Variants in IZUMO4 observed in about 807,000 individuals in gnomAD.
The protein encoded by IZUMO4 is IZUMO family member 4.
Under a neutral mutation model 37.1 loss-of-function variants are expected in IZUMO4, and 51 were observed. The observed-to-expected ratio is 1.38, with a 90% CI of 1.10 to 1.74. The LOEUF is 1.74. IZUMO4 is among the 40% of genes most tolerant of loss of function. IZUMO4 has a pLI of 0.00. For synonymous variants in IZUMO4, 162 were observed against 121.4 expected, an observed-to-expected ratio of 1.33 and a Z score of -2.20; for missense variants, 364 against 299.6, an observed-to-expected ratio of 1.21 and a Z score of -1.59.
At position 2,098,270 on chromosome 19, in the gene IZUMO4, A is replaced by C; in HGVS notation, c.474-17A>C. ...GTGGGTTCAGGGGCGCACCACTTCC[A>C]AGCCTGTGTCCCACAGGTCCTCGGC... is the stretch of plus-strand genomic sequence containing the variant. On this transcript the variant is annotated splice_polypyrimidine_tract_variant and intron_variant, in intron 5 of 9. Transcript: ENST00000395301. The C allele has an allele frequency of 6.2e-7, 1 of 1,613,628 alleles. No homozygotes were observed. The highest frequency in any genetic ancestry group is 8.5e-7 in the Non-Finnish European group (1 of 1,179,974).
chr19:2,099,388 C>A lies in IZUMO4; in HGVS notation c.*43C>A. On this transcript the variant is annotated 3_prime_UTR_variant, in exon 10 of 10. Transcript: ENST00000395301. ...CCAGGGCAACGTGGGGGCGGAGACT[C>A]AGCTGGACAGCCCCTGCCTGTCACT... The A allele has an allele frequency of 1.5e-6, 2 of 1,372,364 alleles. No homozygotes were observed. Among genetic ancestry groups the A allele is most frequent in the South Asian group, 1.2e-5 (1 of 81,588 alleles). The allele number at this position is 1,372,364 out of a possible 1,614,324, so 85.0% of individuals were successfully genotyped here. A position where few individuals can be genotyped will look rare whatever the true frequency, so the allele number is the denominator to read the frequency against.
Position 2,099,557 on chromosome 19 carries a change from G to T in IZUMO4, c.*212G>T. 1.7e-6 allele frequency: 1 copy of T among 582,106 alleles called. No homozygotes were observed. The allele number at this position is 582,106 out of a possible 1,614,324, so 36.1% of individuals were successfully genotyped here. A position where few individuals can be genotyped will look rare whatever the true frequency, so the allele number is the denominator to read the frequency against. Reference sequence around the variant, plus strand: ...CCTGGGCAGGTCCGCAGAGCTGCGGGATGTGATTAAAGTCCCTGATGTTTC... The same window carrying T: ...CCTGGGCAGGTCCGCAGAGCTGCGGTATGTGATTAAAGTCCCTGATGTTTC... On this transcript the variant is annotated 3_prime_UTR_variant, in exon 10 of 10. Transcript: ENST00000395301.
At chr19:2,097,576 T>C (rs758751763) in intron 3 of IZUMO4, 81 bp downstream of exon 3, 9 of 1,248,880 alleles carry the variant, frequency 7.2e-6, no homozygotes, top group East Asian at 7.0e-5. Flanking sequence ...GCTGGAGTGA[T>C]GTGAACAGGG....
rs775801663 is a variant in IZUMO4, at chr19:2,098,766, C to G, written c.537-21C>G. Reference sequence around the variant, plus strand: ...TAGGGGTGCCCCATGGAGGGGCTGACTGCCCCACATTGCCTTTCAGACAGG... The same window carrying G: ...TAGGGGTGCCCCATGGAGGGGCTGAGTGCCCCACATTGCCTTTCAGACAGG... On this transcript the variant is annotated intron_variant, in intron 7 of 9. Transcript: ENST00000395301. The G allele has an allele frequency of 4.4e-6, 7 of 1,605,004 alleles. No homozygotes were observed. In the South Asian group the frequency reaches 7.8e-5, roughly 18 times the overall value.
rs927209100 is a variant in IZUMO4 at position 2,097,094 on chromosome 19, G to A, written c.149G>A (p.Gly50Glu). The A allele has an allele frequency of 3.1e-6, 5 of 1,612,776 alleles. No individual in the cohort carries two copies. The highest frequency in any genetic ancestry group is 4.2e-6 in the Non-Finnish European group (5 of 1,179,936). Residue 50 changes from glycine (G) to glutamate (E), a missense_variant, in exon 1 of 10, where the codon GGG becomes GAG. Gly to Glu is a moderately conservative substitution (Grantham distance 98). Transcript: ENST00000395301. ...SWWVGDIPVS[G>E]ALLTDWSDDT... ...TGGGTGGGCGACATCCCCGTGTCAGGGGCGCTGCTCACCGACTGGAGCGAC... is the reference window on the plus strand; with the variant it reads ...TGGGTGGGCGACATCCCCGTGTCAGAGGCGCTGCTCACCGACTGGAGCGAC...
At chr19:2,098,886 G>A (rs916461681) in intron 8 of IZUMO4, 82 bp downstream of exon 8, 85 of 1,575,562 alleles carry the variant, frequency 5.4e-5, no homozygotes, top group South Asian at 8.9e-5. Context: ...TAGATCAGTG[G>A]GGGCACTGCA....
chr19:2,097,611 G>T (rs1360769424), intron 3 of IZUMO4, 116 bp downstream of exon 3: 2 of 955,646 alleles, frequency 2.1e-6, no homozygotes, highest in East Asian at 2.4e-5. Context: ...CAGCTGGGGA[G>T]GAGGGCAGCT....
chr19:2,098,719 T>G (rs965573102), intron 7 of IZUMO4, 68 bp from the exon 8 acceptor site: 44 of 1,597,576 alleles, frequency 2.8e-5, no homozygotes, highest in Non-Finnish European at 1.7e-6. Context: ...GGTCAGAGCC[T>G]GGGAGGGTTC....
At chr19:2,097,650 G>T in intron 3 of IZUMO4, 155 bp downstream of exon 3, 1 of 781,822 alleles carries the variant, frequency 1.3e-6, no homozygotes, top group Non-Finnish European at 2.2e-6. Context: ...CCTAGCACCT[G>T]AAGGATCAAT....
In IZUMO4 at chr19:2,098,076, C is replaced by A. The variant is rs2017766453; in HGVS notation, c.422C>A (p.Ser141Tyr). The A allele has an allele frequency of 6.2e-7, 1 of 1,613,568 alleles. No individual in the cohort carries two copies. The highest frequency in any genetic ancestry group is 8.5e-7 in the Non-Finnish European group (1 of 1,180,024). ...GGCATCTTCCAGTACGAGACCATCT[C>A]CTGCAACAACTGCACAGACTCGCAC... ...RCGIFQYETISCNNCTDSHVA... is the reference protein window; with the variant it reads ...RCGIFQYETIYCNNCTDSHVA... Residue 141 changes from serine to tyrosine, a missense_variant, in exon 5 of 10, where the codon TCC (serine) becomes TAC (tyrosine). Physicochemically the swap from Ser to Tyr is moderately radical, Grantham distance 144. Transcript: ENST00000395301.
At chr19:2,099,088 C>A (rs375842224) in intron 9 of IZUMO4, 59 bp downstream of exon 9, 1 of 1,523,238 alleles carries the variant, frequency 6.6e-7, no homozygotes. Context: ...CCAACACCAG[C>A]GTGCCGCGGC....
intron 9 of IZUMO4, 109 bp from the exon 10 acceptor site, chr19:2,099,146 C>A: frequency 7.3e-7 from 1 of 1,372,304 alleles, no homozygotes; most frequent in Non-Finnish European, 1.0e-6. Flanking sequence ...GTGGATGTGG[C>A]CACACATAGG....
intron 2 of IZUMO4, 21 bp from the exon 3 acceptor site, chr19:2,097,403 T>C (rs1555697568): frequency 6.2e-6 from 10 of 1,610,466 alleles, no homozygotes; most frequent in East Asian, 2.2e-5. Context: ...AGCCTGACCT[T>C]CTCCTGCCTC....
intron 3 of IZUMO4, 52 bp from the exon 4 acceptor site, chr19:2,097,877 A>T: frequency 6.2e-7 from 1 of 1,608,922 alleles, no homozygotes; most frequent in Non-Finnish European, 8.5e-7. Flanking sequence ...AGGAGGCAGG[A>T]CTGGGGACAA....
chr19:2,096,973 C>T lies in IZUMO4; in HGVS notation c.28C>T (p.Leu10=). MALLLCLVC[L]TAALAHGCLH... ...GGCCCTGCTGCTGTGCCTGGTGTGC[C>T]TGACGGCGGCGCTGGCCCACGGCTG... The change falls in exon 1 of 10, where the codon CTG becomes TTG. Residue 10 remains leucine (L), a synonymous_variant. Coordinates refer to ENST00000395301, the MANE Select transcript of IZUMO4 (RefSeq NM_001039846.2). 2 of 1,608,238 alleles carry T rather than the reference C, an allele frequency of 1.2e-6. No homozygotes were observed. The highest frequency in any genetic ancestry group is 1.1e-5 in the South Asian group (1 of 91,062).
chr19:2,099,064 G>C lies in IZUMO4; in HGVS notation c.608+35G>C, dbSNP rs776590694. 203 of 1,598,976 alleles carry C rather than the reference G, an allele frequency of 1.3e-4. 1 individual carries two copies. The highest frequency in any genetic ancestry group is 1.0e-3 in the Middle Eastern group (6 of 6,012). On this transcript the variant is annotated intron_variant, in intron 9 of 9. Coordinates refer to ENST00000395301, the MANE Select transcript of IZUMO4 (RefSeq NM_001039846.2). Reference sequence around the variant, plus strand: ...CCAGAGAAGGGAGGCCTCGGGAGAAGGGGTGCTCGTAAGCCAACACCAGCG... The same window carrying C: ...CCAGAGAAGGGAGGCCTCGGGAGAACGGGTGCTCGTAAGCCAACACCAGCG...
chr19:2,097,180 G>T lies in IZUMO4; in HGVS notation c.217+18G>T, dbSNP rs775871795. The T allele has an allele frequency of 1.2e-5, 20 of 1,606,794 alleles. No individual in the cohort carries two copies. The highest frequency in any genetic ancestry group is 1.6e-5 in the Non-Finnish European group (19 of 1,175,836). On this transcript the variant is annotated intron_variant, in intron 1 of 9. Transcript: ENST00000395301. ...CAAGATCAGTGAGTGCCGGAGCCCAGCCCAGTCCCGACTACCCCGCCAGCG... is the reference window on the plus strand; with the variant it reads ...CAAGATCAGTGAGTGCCGGAGCCCATCCCAGTCCCGACTACCCCGCCAGCG...
At position 2,097,477 on chromosome 19, in the gene IZUMO4, C is replaced by T. The variant is rs202186034; in HGVS notation, c.352C>T (p.Gln118Ter). The T allele has an allele frequency of 3.1e-6, 5 of 1,613,352 alleles. No individual in the cohort carries two copies. In the Admixed American group the frequency reaches 8.3e-5, roughly 27 times the overall value. Residue 118 changes from glutamine to a stop codon, truncating the protein, a stop_gained, in exon 3 of 10, where the codon CAG becomes TAG. Transcript: ENST00000395301. LOFTEE classifies it high-confidence loss of function. ...CTTCCGGGAGCAGGTGCACCTCATC[C>T]AGAACGCCATCATCGAAAGTGAGCA... ...NIFREQVHLI[Q>*]NAIIESRIDC...
chr19:2,096,925 C>G lies in IZUMO4; in HGVS notation c.-21C>G, dbSNP rs567563481. ...GGCGCGAGCAGCGTCGTTGGTTGGC[C>G]GGCGGCGGGCCGGGACGGGCATGGC... On this transcript the variant is annotated 5_prime_UTR_variant, in exon 1 of 10. Transcript: ENST00000395301. 8.1e-6 allele frequency: 13 copies of G among 1,597,696 alleles called. No individual in the cohort carries two copies. In the East Asian group the frequency reaches 2.5e-4, roughly 30 times the overall value.
Sources: gnomAD v4.1 joint callset for allele counts on GRCh38, gnomAD v4.1.1 for gene constraint, MANE v1.5 for transcripts, NCBI Gene and HGNC (gene_info 2026-07-23, HGNC 2026-07-21) for gene names.